KIAA1549L: variants seen among roughly 807,000 people sequenced by gnomAD.
KIAA1549L encodes UPF0606 protein KIAA1549L.
In KIAA1549L, 88 loss-of-function variants were observed where a neutral mutation model predicts 160.7. That is an observed-to-expected ratio of 0.55 (90% confidence interval 0.46 to 0.65). The LOEUF is 0.65. Among genes scored for constraint, KIAA1549L ranks in the 30% least tolerant of loss-of-function variants. KIAA1549L has a pLI of 0.00. For synonymous variants in KIAA1549L, 950 were observed against 976.7 expected, an observed-to-expected ratio of 0.97 and a Z score of 0.51; for missense variants, 2,258 against 2,437.5, an observed-to-expected ratio of 0.93 and a Z score of 1.55.
intron 1 of KIAA1549L, among the ~76,000 whole-genome samples, chr11:33,433,012 A>G (rs1001140258): frequency 1.2e-4 from 18 of 152,388 alleles, no homozygotes; most frequent in African/African-American, 3.8e-4. Flanking sequence ...ACCATTCAGG[A>G]CATAGGCATG....
At chr11:33,456,116 T>G (rs1323907372) in intron 1 of KIAA1549L, among the ~76,000 whole-genome samples, 1 of 152,190 alleles carries the variant, frequency 6.6e-6, no homozygotes, top group Non-Finnish European at 1.5e-5. Context: ...TCTCATGATA[T>G]ATGTGGATTT....
intron 1 of KIAA1549L, among the ~76,000 whole-genome samples, chr11:33,496,965 C>CA (rs1434653924): frequency 6.6e-6 from 1 of 152,126 alleles, no homozygotes; most frequent in Admixed American, 6.5e-5. Flanking sequence ...TTTCTACCCC[C>CA]ACAAACCCTT....
intron 16 of KIAA1549L, among the ~76,000 whole-genome samples, chr11:33,632,119 G>A (rs116297149): frequency 6.6e-6 from 1 of 152,154 alleles, no homozygotes; most frequent in Non-Finnish European, 1.5e-5. Context: ...CAACTTAAAC[G>A]ATCTTAAAAC....
intron 1 of KIAA1549L, among the ~76,000 whole-genome samples, chr11:33,501,624 G>T (rs1021825991): frequency 3.9e-5 from 6 of 152,276 alleles, no homozygotes; most frequent in Admixed American, 3.3e-4. Context: ...TTAGTACTAT[G>T]AAGAAAATAA....
intron 1 of KIAA1549L, among the ~76,000 whole-genome samples, chr11:33,515,584 G>A (rs572266253): frequency 1.3e-5 from 2 of 152,346 alleles, no homozygotes; most frequent in Admixed American, 1.3e-4. Flanking sequence ...GCAGGAAATC[G>A]TCAGCAAGGG....
chr11:33,555,164 A>G (rs1452924541), intron 6 of KIAA1549L, among the ~76,000 whole-genome samples: 2 of 134,654 alleles, frequency 1.5e-5, no homozygotes, highest in Non-Finnish European at 3.2e-5. Context: ...TTAGTATATT[A>G]AAGAAGACAA....
intron 1 of KIAA1549L, among the ~76,000 whole-genome samples, chr11:33,483,332 G>A (rs1045520993): frequency 2.6e-5 from 4 of 152,146 alleles, no homozygotes; most frequent in African/African-American, 4.8e-5. Flanking sequence ...AGAAATCTAC[G>A]TTCTGGGCGC....
chr11:33,545,640 C>T (rs1467745428), intron 3 of KIAA1549L, among the ~76,000 whole-genome samples: 1 of 152,152 alleles, frequency 6.6e-6, no homozygotes, highest in Non-Finnish European at 1.5e-5. Context: ...ATTTATCCAG[C>T]CTAAAACATC....
intron 1 of KIAA1549L, among the ~76,000 whole-genome samples, chr11:33,535,905 A>G (rs1422527348): frequency 1.3e-5 from 2 of 152,124 alleles, no homozygotes; most frequent in Non-Finnish European, 2.9e-5. Flanking sequence ...TCCCTAATAA[A>G]CATCAGCTAT....
intron 11 of KIAA1549L, among the ~76,000 whole-genome samples, chr11:33,585,257 G>A (rs1472073053): frequency 6.6e-6 from 1 of 152,196 alleles, no homozygotes; most frequent in African/African-American, 2.4e-5. Context: ...GGTGGCTCAC[G>A]CCTGTAATCC....
At chr11:33,477,741 A>G (rs757068695) in intron 1 of KIAA1549L, among the ~76,000 whole-genome samples, 37 of 152,176 alleles carry the variant, frequency 2.4e-4, no homozygotes, top group Non-Finnish European at 4.3e-4. Context: ...CTCACTTCCT[A>G]GAACTGTGAG....
intron 1 of KIAA1549L, among the ~76,000 whole-genome samples, chr11:33,410,477 G>A (rs1456918124): frequency 2.0e-5 from 3 of 152,212 alleles, no homozygotes; most frequent in Admixed American, 6.5e-5. Context: ...ACCTAGATTA[G>A]TTCTTATAAC....
intron 6 of KIAA1549L, among the ~76,000 whole-genome samples, chr11:33,553,666 C>G (rs1024904747): frequency 6.6e-6 from 1 of 152,060 alleles, no homozygotes; most frequent in South Asian, 2.1e-4. Context: ...ACTCAGCTCT[C>G]TTGTGGGAAC....
At chr11:33,624,552 TA>T (rs1375375095) in intron 16 of KIAA1549L, among the ~76,000 whole-genome samples, 7 of 152,082 alleles carry the variant, frequency 4.6e-5, no homozygotes, top group Non-Finnish European at 8.8e-5. Context: ...GTAAATTCAG[TA>T]ATACGAGTCC....
chr11:33,451,848 G>A (rs761114386), intron 1 of KIAA1549L, among the ~76,000 whole-genome samples: 22 of 152,160 alleles, frequency 1.4e-4, no homozygotes, highest in Non-Finnish European at 2.8e-4. Context: ...ACTCCATTAG[G>A]CCTTGCTGGG....
At chr11:33,657,469 C>G (rs973330554) in intron 18 of KIAA1549L, among the ~76,000 whole-genome samples, 6 of 151,010 alleles carry the variant, frequency 4.0e-5, no homozygotes, top group African/African-American at 1.5e-4. Context: ...GTTTGTCTAC[C>G]CCTGTCATTG....
At chr11:33,597,568 C>T (rs1486536854) in intron 12 of KIAA1549L, among the ~76,000 whole-genome samples, 3 of 152,192 alleles carry the variant, frequency 2.0e-5, no homozygotes, top group Non-Finnish European at 4.4e-5. Context: ...CCGCTAGATA[C>T]CTGCCTCCCG....
chr11:33,533,045 G>A (rs1014601701), intron 1 of KIAA1549L, among the ~76,000 whole-genome samples: 1 of 152,206 alleles, frequency 6.6e-6, no homozygotes, highest in African/African-American at 2.4e-5. Flanking sequence ...AGACTCTGGG[G>A]TCTGTGATAA....
chr11:33,652,048 C>T lies in KIAA1549L; in HGVS notation c.5761-3964C>T, dbSNP rs117589441. ...GCCTCAGAGACCTGCAATCTGACTG[C>T]CTTCAGTCCTGAGTCTTTTATCTCC... On this transcript the variant is annotated intron_variant, in intron 17 of 20. Coordinates refer to ENST00000658780, the MANE Select transcript of KIAA1549L (RefSeq NM_012194.3). Among the ~76,000 whole-genome samples the T allele has an allele frequency of 1.1e-3, 162 of 150,874 alleles. 2 individuals carry two copies. The East Asian group carries it at 0.011, about 10-fold the overall frequency.
Sources: gnomAD v4.1 joint callset for allele counts (sites outside exome capture counted in the v4.1 genomes callset) on GRCh38, gnomAD v4.1.1 for gene constraint, MANE v1.5 for transcripts, NCBI Gene and HGNC (gene_info 2026-07-23, HGNC 2026-07-21) for gene names.